RBM47: variants seen among roughly 807,000 people sequenced by gnomAD.
RBM47 encodes the protein RNA binding motif protein 47.
Under a neutral mutation model 47.1 loss-of-function variants are expected in RBM47, and 21 were observed. The observed-to-expected ratio is 0.45, with a 90% CI of 0.32 to 0.64. The LOEUF (loss-of-function observed/expected upper bound fraction) is 0.64, where lower values mean the gene tolerates loss of function less well. RBM47 is among the 30% of genes least tolerant of loss of function. The pLI is 0.05. For synonymous variants in RBM47, 375 were observed against 361.7 expected (o/e 1.04, Z -0.42); for missense variants, 708 against 870.9 (o/e 0.81, Z 2.35).
intron 3 of RBM47, among the ~76,000 whole-genome samples, chr4:40,444,035 C>T (rs1714116970): frequency 6.6e-6 from 1 of 151,892 alleles, no homozygotes; most frequent in Admixed American, 6.6e-5. Context: ...CCCATCTCTA[C>T]AAAAAGTACA....
intron 2 of RBM47, among the ~76,000 whole-genome samples, chr4:40,472,005 T>C (rs895140020): frequency 6.6e-6 from 1 of 152,204 alleles, no homozygotes; most frequent in Non-Finnish European, 1.5e-5. Flanking sequence ...AGCACTAGGT[T>C]GAACCATATG....
chr4:40,438,825 G>C lies in RBM47; in HGVS notation c.69C>G (p.Pro23=), dbSNP rs376793265. ...CGTTGGGCGCGCCCGCCACGCCCTC[G>C]GGCACCTTGGCGGAGGACCCGGCGG... ...DSAAGSSAKV[P]EGVAGAPNEA... is the part of the protein sequence containing the mutation. The change falls in exon 4 of 7, where the codon CCC becomes CCG. Residue 23 remains proline, a synonymous_variant. Transcript: ENST00000295971. 3 of 1,556,882 alleles carry C rather than the reference G, an allele frequency of 1.9e-6. No individual in the cohort carries two copies. Among genetic ancestry groups the C allele is most frequent in the African/African-American group, 1.3e-5 (1 of 74,236 alleles).
chr4:40,480,517 G>C (rs1720241075), intron 2 of RBM47, among the ~76,000 whole-genome samples: 1 of 152,124 alleles, frequency 6.6e-6, no homozygotes, highest in Non-Finnish European at 1.5e-5. Flanking sequence ...AGGAACTTCT[G>C]TACTAACCCA....
At chr4:40,460,916 T>G (rs1036587399) in intron 3 of RBM47, among the ~76,000 whole-genome samples, 2 of 149,442 alleles carry the variant, frequency 1.3e-5, no homozygotes, top group African/African-American at 4.9e-5. Flanking sequence ...AAAAGATACT[T>G]ATTAAAAGAA....
At chr4:40,556,806 C>T (rs1730139585) in intron 1 of RBM47, among the ~76,000 whole-genome samples, 1 of 151,980 alleles carries the variant, frequency 6.6e-6, no homozygotes, top group Admixed American at 6.6e-5. Context: ...GGGTGAATCA[C>T]CTGAGCCCAG....
chr4:40,473,205 A>T (rs1038070440), intron 2 of RBM47, among the ~76,000 whole-genome samples: 1 of 152,226 alleles, frequency 6.6e-6, no homozygotes, highest in Admixed American at 6.5e-5. Flanking sequence ...CGTCTTATTT[A>T]ATCATTGCTA....
intron 3 of RBM47, among the ~76,000 whole-genome samples, chr4:40,459,487 G>C (rs1212477782): frequency 2.0e-5 from 3 of 152,060 alleles, no homozygotes; most frequent in African/African-American, 7.2e-5. Flanking sequence ...GATTGCTTGA[G>C]CCTAGGAGTT....
intron 2 of RBM47, among the ~76,000 whole-genome samples, chr4:40,522,256 G>A (rs532590812): frequency 3.4e-4 from 52 of 152,268 alleles, no homozygotes; most frequent in African/African-American, 1.0e-3. Context: ...TGTAATCCTA[G>A]AGCTTTGGGA....
At chr4:40,508,855 G>T (rs147717923) in intron 2 of RBM47, among the ~76,000 whole-genome samples, 35 of 152,284 alleles carry the variant, frequency 2.3e-4, no homozygotes, top group Middle Eastern at 3.4e-3. Context: ...ACACTTCAAT[G>T]AATATTTAAA....
chr4:40,432,235 C>G (rs1716268370), intron 6 of RBM47, among the ~76,000 whole-genome samples: 1 of 86,996 alleles, frequency 1.1e-5, no homozygotes, highest in Non-Finnish European at 2.7e-5. Flanking sequence ...CACACACACA[C>G]ACACACACGG....
At chr4:40,498,564 A>G (rs1274819550) in intron 2 of RBM47, among the ~76,000 whole-genome samples, 1 of 151,172 alleles carries the variant, frequency 6.6e-6, no homozygotes, top group African/African-American at 2.4e-5. Context: ...TGAAGTCCCA[A>G]CTACTTGGGA....
chr4:40,473,372 A>C (rs1719184240), intron 2 of RBM47, among the ~76,000 whole-genome samples: 1 of 152,194 alleles, frequency 6.6e-6, no homozygotes, highest in East Asian at 1.9e-4. Flanking sequence ...TTGCTGCTGC[A>C]CTCCAATCTG....
chr4:40,452,056 G>A (rs1715523261), intron 3 of RBM47, among the ~76,000 whole-genome samples: 1 of 152,122 alleles, frequency 6.6e-6, no homozygotes, highest in African/African-American at 2.4e-5. Context: ...TGTAGTCTCA[G>A]CTACTTGGGA....
intron 3 of RBM47, among the ~76,000 whole-genome samples, chr4:40,448,266 A>AGTGT (rs148826268): frequency 2.0e-5 from 3 of 151,162 alleles, no homozygotes; most frequent in Admixed American, 6.6e-5. Context: ...TGACTGTGAG[A>AGTGT]GTGTGTGTGT....
chr4:40,433,987 T>G (rs1711805748), intron 5 of RBM47, among the ~76,000 whole-genome samples: 2 of 79,198 alleles, frequency 2.5e-5, no homozygotes, highest in African/African-American at 5.3e-5. Context: ...TGTGAGTGTG[T>G]GTGTGTGGGG....
At chr4:40,534,754 G>A (rs1008152605) in intron 2 of RBM47, among the ~76,000 whole-genome samples, 11 of 152,030 alleles carry the variant, frequency 7.2e-5, no homozygotes, top group African/African-American at 2.7e-4. Context: ...CTAACACGGT[G>A]AAACCCCATC....
intron 2 of RBM47, among the ~76,000 whole-genome samples, chr4:40,493,079 T>A (rs1272294278): frequency 1.3e-5 from 2 of 152,158 alleles, no homozygotes; most frequent in African/African-American, 4.8e-5. Flanking sequence ...ACTAGCCCTG[T>A]CATTTTCCAC....
rs528634096 is a variant in RBM47 at position 40,481,625 on chromosome 4, C to T, written c.-154-14926G>A. Among the ~76,000 whole-genome samples, 3 of 151,046 alleles carry T rather than the reference C, an allele frequency of 2.0e-5. No homozygotes were observed. The South Asian group carries it at 6.3e-4, about 32-fold the overall frequency. ...AGAGTGCAGTGGCATGATCTCAGCT[C>T]ACTGCAACCTCTGCCTCCCAGGTTC... is the stretch of plus-strand genomic sequence containing the variant. On this transcript the variant is annotated intron_variant, in intron 2 of 6. Transcript: ENST00000295971.
At chr4:40,511,382 A>G (rs1257677828) in intron 2 of RBM47, among the ~76,000 whole-genome samples, 1 of 152,244 alleles carries the variant, frequency 6.6e-6, no homozygotes, top group Non-Finnish European at 1.5e-5. Context: ...AAGAACTTGC[A>G]GTCTAAAGGA....
Sources: gnomAD v4.1 joint callset for allele counts (sites outside exome capture counted in the v4.1 genomes callset) on GRCh38, gnomAD v4.1.1 for gene constraint, MANE v1.5 for transcripts, NCBI Gene and HGNC (gene_info 2026-07-23, HGNC 2026-07-21) for gene names.